Variants in ATRN observed in about 807,000 individuals in gnomAD.
ATRN encodes the protein attractin-2.
In ATRN, 54 loss-of-function variants were observed where a neutral mutation model predicts 178.7. The ratio of observed to expected loss-of-function variants is 0.30; its 90% CI spans 0.24 to 0.38. ATRN has a LOEUF of 0.38. Ranked by LOEUF, ATRN falls within the 10% of genes least tolerant of loss-of-function variation. The probability of loss-of-function intolerance (pLI) is 1.00; values close to 1 mark genes in which losing one functional copy is unlikely to be tolerated. For synonymous variants in ATRN, 636 were observed against 663.0 expected (o/e 0.96, Z 0.63); for missense variants, 1,443 against 1,815.1 (o/e 0.79, Z 3.73).
At chr20:3,515,656 T>C (rs2085197145) in intron 1 of ATRN, among the ~76,000 whole-genome samples, 1 of 152,166 alleles carries the variant, frequency 6.6e-6, no homozygotes, top group African/African-American at 2.4e-5. Flanking sequence ...ACAAGATTTT[T>C]TATATAAAAG....
chr20:3,609,714 A>ATG (rs34028518), intron 24 of ATRN, among the ~76,000 whole-genome samples: 28,085 of 145,868 alleles, frequency 0.19, 2,746 homozygotes, highest in Middle Eastern at 0.27. Flanking sequence ...GTATGTATGT[A>ATG]TGTGTGTGTG....
chr20:3,613,814 C>A lies in ATRN; in HGVS notation c.3801+9552C>A, dbSNP rs371506966. On this transcript the variant is annotated intron_variant, in intron 24 of 28. Coordinates refer to ENST00000262919, the MANE Select transcript of ATRN (RefSeq NM_139321.3). ...TGAGATTTTAAAAATTGAGATTCTC[C>A]TTTTTTAAATGAGATTTTAAAAATT... 1.2e-3 allele frequency among the ~76,000 whole-genome samples: 168 copies of A among 137,832 alleles called. 1 individual carries two copies. The highest frequency in any genetic ancestry group is 1.7e-3 in the Non-Finnish European group (101 of 59,672). 90.4% of individuals were successfully genotyped at this position (137,832 alleles called of 152,430 possible). A position where few individuals can be genotyped will look rare whatever the true frequency, so the allele number is the denominator to read the frequency against.
chr20:3,576,810 A>G, intron 13 of ATRN, 49 bp from the exon 14 acceptor site: 3 of 1,601,796 alleles, frequency 1.9e-6, no homozygotes, highest in Non-Finnish European at 2.6e-6. Context: ...CCTCACCATA[A>G]GTTCTCTCTG....
At chr20:3,646,399 G>A (rs547693392) in intron 28 of ATRN, among the ~76,000 whole-genome samples, 1 of 152,314 alleles carries the variant, frequency 6.6e-6, no homozygotes, top group East Asian at 1.9e-4. Context: ...CTTGGTTGAT[G>A]TGCTGAAAAG....
chr20:3,519,736 A>G (rs1410206767), intron 1 of ATRN, among the ~76,000 whole-genome samples: 3 of 152,086 alleles, frequency 2.0e-5, no homozygotes, highest in Middle Eastern at 3.4e-3. Flanking sequence ...AACTATTGAA[A>G]TGAAAAGAAA....
chr20:3,589,036 G>A (rs1326189402), intron 18 of ATRN, among the ~76,000 whole-genome samples: 1 of 142,404 alleles, frequency 7.0e-6, no homozygotes, highest in Non-Finnish European at 1.5e-5. Flanking sequence ...AGTCTGGAGT[G>A]CAGTGACGTG....
intron 16 of ATRN, 89 bp from the exon 17 acceptor site, chr20:3,583,806 CAAA>C (rs368165282): frequency 2.7e-5 from 28 of 1,053,456 alleles, no homozygotes; most frequent in Admixed American, 8.0e-5. Flanking sequence ...GACTCCGTCT[CAAA>C]AAAAAAAAAG....
chr20:3,541,271 G>T (rs934148346), intron 3 of ATRN, among the ~76,000 whole-genome samples: 1 of 151,054 alleles, frequency 6.6e-6, no homozygotes, highest in African/African-American at 2.4e-5. Context: ...TAGAGACGGG[G>T]TTTCACCGTG....
intron 3 of ATRN, among the ~76,000 whole-genome samples, chr20:3,541,076 A>ATTTTT (rs1331876349): frequency 8.4e-6 from 1 of 119,046 alleles, no homozygotes; most frequent in African/African-American, 3.0e-5. Flanking sequence ...ATGATAGAGG[A>ATTTTT]TTTTTTTTTT....
chr20:3,608,450 T>C (rs2086708930), intron 24 of ATRN, among the ~76,000 whole-genome samples: 1 of 152,214 alleles, frequency 6.6e-6, no homozygotes. Flanking sequence ...CCAGCACCAT[T>C]TATTGAAGAA....
At chr20:3,601,456 A>G (rs918437565) in intron 23 of ATRN, among the ~76,000 whole-genome samples, 12 of 152,200 alleles carry the variant, frequency 7.9e-5, no homozygotes, top group Admixed American at 2.0e-4. Flanking sequence ...ATGAGATTTT[A>G]GTAGGTACAG....
chr20:3,512,108 T>TA (rs1491340714), intron 1 of ATRN, among the ~76,000 whole-genome samples: 15,062 of 99,356 alleles, frequency 0.15, 953 homozygotes, highest in Non-Finnish European at 0.2. Flanking sequence ...TATATATATA[T>TA]TTTTTTTTTT....
intron 1 of ATRN, among the ~76,000 whole-genome samples, chr20:3,508,702 G>C (rs1200529078): frequency 6.6e-6 from 1 of 152,202 alleles, no homozygotes; most frequent in Non-Finnish European, 1.5e-5. Flanking sequence ...GAGGAATGAG[G>C]AGCAGTGGAA....
chr20:3,552,589 T>C (rs1403419968), intron 6 of ATRN, among the ~76,000 whole-genome samples: 3 of 152,198 alleles, frequency 2.0e-5, no homozygotes, highest in Non-Finnish European at 4.4e-5. Flanking sequence ...CTTAAAACAG[T>C]TTGCATTTAT....
chr20:3,581,839 A>T (rs928815497), intron 15 of ATRN, among the ~76,000 whole-genome samples: 4 of 152,216 alleles, frequency 2.6e-5, no homozygotes, highest in African/African-American at 9.7e-5. Flanking sequence ...GTGATGATCT[A>T]TCCTAATCTA....
intron 1 of ATRN, among the ~76,000 whole-genome samples, chr20:3,480,878 T>C (rs1050733078): frequency 1.3e-5 from 2 of 152,236 alleles, no homozygotes; most frequent in African/African-American, 4.8e-5. Context: ...AGTGTTATGA[T>C]TGAACAGAAA....
rs536209701 is a variant in ATRN at position 3,554,990 on chromosome 20, C to CTTTTTTTTTTTTTT, written c.1113-4386_1113-4373dup. Reference sequence around the variant, plus strand: ...TGGAACACCAAGTGTGACCTGACCTCTTTTTTTTTTTTTTTTTTTTTTTTT... The same window carrying CTTTTTTTTTTTTTT: ...TGGAACACCAAGTGTGACCTGACCTCTTTTTTTTTTTTTTTTTTTTTTTTTTTTTTTTTTTTTTT... On this transcript the variant is annotated intron_variant, in intron 6 of 28. Coordinates refer to ENST00000262919, the MANE Select transcript of ATRN (RefSeq NM_139321.3). Among the ~76,000 whole-genome samples, 6 of 67,490 alleles carry CTTTTTTTTTTTTTT rather than the reference C, an allele frequency of 8.9e-5. 1 individual carries two copies. The highest frequency in any genetic ancestry group is 4.2e-4 in the African/African-American group (6 of 14,248). 44.3% of individuals were successfully genotyped at this position (67,490 alleles called of 152,430 possible).
In ATRN at chr20:3,572,733, C is replaced by T. The variant is rs145071015; in HGVS notation, c.1874C>T (p.Thr625Ile). 4 of 1,613,516 alleles carry T rather than the reference C, an allele frequency of 2.5e-6. No individual in the cohort carries two copies. The highest frequency in any genetic ancestry group is 2.7e-5 in the African/African-American group (2 of 74,986). Residue 625 changes from threonine (T) to isoleucine (I), a missense_variant and splice_region_variant, in exon 12 of 29, where the codon ACC (threonine) becomes ATC (isoleucine). Physicochemically the swap from Thr to Ile is moderately conservative, Grantham distance 89. This residue lies in a region of ATRN where 862 missense variants were observed against 972.1 expected (regional missense o/e 0.89). Coordinates refer to ENST00000262919, the MANE Select transcript of ATRN (RefSeq NM_139321.3). ...FGHSAVLHNS[T>I]MYVFGGFNSL... ...CTTCTCTCCCTTTTTCCTCTTAGCA[C>T]CATGTATGTGTTCGGTGGTTTCAAT...
intron 20 of ATRN, 110 bp from the exon 21 acceptor site, chr20:3,596,267 A>T: frequency 8.7e-7 from 1 of 1,154,868 alleles, no homozygotes; most frequent in Non-Finnish European, 1.3e-6. Context: ...GGATGCAATT[A>T]TAATGGCTCC....
Sources: allele counts gnomAD v4.1 joint callset (sites outside exome capture counted in the v4.1 genomes callset), GRCh38; gene constraint gnomAD v4.1.1; regional missense constraint gnomAD v4.1.1; transcripts MANE v1.5; gene names NCBI Gene and HGNC (gene_info 2026-07-23, HGNC 2026-07-21).